Variants in TIAM1 observed in about 807,000 individuals in gnomAD.
TIAM1 encodes the protein rho guanine nucleotide exchange factor TIAM1.
In TIAM1, 65 loss-of-function variants were observed where a neutral mutation model predicts 163.5. The ratio of observed to expected loss-of-function variants is 0.40; its 90% CI spans 0.33 to 0.49. The LOEUF is 0.49. Ranked by LOEUF, TIAM1 falls within the 20% of genes least tolerant of loss-of-function variation. TIAM1 has a pLI of 0.77. For missense variants in TIAM1, 1,789 were observed against 2,044.7 expected, an observed-to-expected ratio of 0.87 and a Z score of 2.41; for synonymous variants, 833 against 810.1, an observed-to-expected ratio of 1.03 and a Z score of -0.48.
intron 1 of TIAM1, among the ~76,000 whole-genome samples, chr21:31,472,283 T>C (rs9984976): frequency 0.2 from 30,380 of 152,038 alleles, 3,162 homozygotes; most frequent in Non-Finnish European, 0.23. Flanking sequence ...TCCCAGCACT[T>C]TGGGAGGCTG....
chr21:31,266,406 G>A lies in TIAM1; in HGVS notation c.567C>T (p.Ser189=), dbSNP rs2072771205. ...DSLEFSLSDL[S]QEHLTSNEEI... is the part of the protein sequence containing the mutation. ...CTTCGTTGCTTGTTAAATGTTCTTG[G>A]CTCAGATCAGAGAGTGAGAATTCCA... The change falls in exon 4 of 28, where the codon AGC becomes AGT. Residue 189 remains serine (S), a synonymous_variant. Transcript: ENST00000541036. 6.2e-7 allele frequency: 1 copy of A among 1,614,082 alleles called. No homozygotes were observed. Among genetic ancestry groups the A allele is most frequent in the South Asian group, 1.1e-5 (1 of 91,090 alleles).
At chr21:31,235,821 C>T (rs183922018) in intron 6 of TIAM1, among the ~76,000 whole-genome samples, 1 of 152,240 alleles carries the variant, frequency 6.6e-6, no homozygotes, top group Non-Finnish European at 1.5e-5. Context: ...ACAATTATAC[C>T]TCTGCAGTGT....
intron 2 of TIAM1, among the ~76,000 whole-genome samples, chr21:31,315,679 C>CAAAA (rs58560437): frequency 5.0e-5 from 4 of 80,244 alleles, no homozygotes; most frequent in African/African-American, 1.3e-4. Context: ...AACTCCATCT[C>CAAAA]AAAAAAAAAA....
At chr21:31,222,701 ATATATATTTTTTTTTTTTT>A (rs1229680360) in intron 8 of TIAM1, among the ~76,000 whole-genome samples, 46 of 46,420 alleles carry the variant, frequency 9.9e-4, no homozygotes, top group African/African-American at 4.0e-3. Context: ...ATATATATAT[ATATATATTTTTTTTTTTTT>A]TTTTTTTTTT....
intron 2 of TIAM1, among the ~76,000 whole-genome samples, chr21:31,330,431 T>G (rs1466113235): frequency 6.6e-6 from 1 of 152,146 alleles, no homozygotes. Context: ...TTGTATTTTT[T>G]GTTTGTTTTT....
Position 31,127,576 on chromosome 21 carries a change from C to T in TIAM1, c.4046-424G>A, listed in dbSNP as rs148624230. On this transcript the variant is annotated intron_variant, in intron 25 of 27. Transcript: ENST00000541036. ...AGGGATTACAGATGTGCACCCCACGCCCGGCTAATTTTTGTATTTTTGGTA... is the reference window on the plus strand; with the variant it reads ...AGGGATTACAGATGTGCACCCCACGTCCGGCTAATTTTTGTATTTTTGGTA... Among the ~76,000 whole-genome samples the T allele has an allele frequency of 2.8e-3, 429 of 152,096 alleles. 3 individuals carry two copies. The highest frequency in any genetic ancestry group is 9.4e-3 in the African/African-American group (392 of 41,484).
chr21:31,558,847 G>C (rs892918084), intron 1 of TIAM1: 2 of 152,070 alleles, frequency 1.3e-5, no homozygotes, highest in African/African-American at 4.8e-5. Context: ...CACGGGCACC[G>C]AGGCTCCGGG....
intron 2 of TIAM1, among the ~76,000 whole-genome samples, chr21:31,444,021 G>A (rs2044528942): frequency 6.6e-6 from 1 of 152,180 alleles, no homozygotes; most frequent in Non-Finnish European, 1.5e-5. Flanking sequence ...TTCATCCTTA[G>A]ACCCTCCTTG....
At chr21:31,421,646 A>T (rs575464584) in intron 2 of TIAM1, among the ~76,000 whole-genome samples, 12 of 152,272 alleles carry the variant, frequency 7.9e-5, no homozygotes, top group Middle Eastern at 3.4e-3. Flanking sequence ...CTTCCATGAA[A>T]CTTGTCCCTG....
chr21:31,316,048 C>A (rs1002197530), intron 2 of TIAM1, among the ~76,000 whole-genome samples: 1 of 151,556 alleles, frequency 6.6e-6, no homozygotes, highest in African/African-American at 2.4e-5. Context: ...AAAATACGGC[C>A]GACTGTCAAT....
Position 31,530,077 on chromosome 21 carries a change from T to C in TIAM1, c.-422+28850A>G, listed in dbSNP as rs77241378. On this transcript the variant is annotated intron_variant, in intron 1 of 28. Coordinates refer to the TIAM1 transcript ENST00000286827. ...ATATGAGGAAACTCAAGGAGGAACT[T>C]AACTCCTTTCTTAGAGCCTGATGTC... 3.3e-3 allele frequency among the ~76,000 whole-genome samples: 509 copies of C among 152,320 alleles called. 2 individuals carry two copies. The highest frequency in any genetic ancestry group is 0.012 in the African/African-American group (491 of 41,572).
intron 2 of TIAM1, among the ~76,000 whole-genome samples, chr21:31,374,847 T>C (rs904401689): frequency 3.9e-5 from 6 of 152,252 alleles, no homozygotes; most frequent in African/African-American, 9.6e-5. Flanking sequence ...ATATTCGTTA[T>C]TCCTCTGGGC....
chr21:31,261,096 G>T (rs544073504), intron 4 of TIAM1, among the ~76,000 whole-genome samples: 1 of 152,078 alleles, frequency 6.6e-6, no homozygotes, highest in African/African-American at 2.4e-5. Flanking sequence ...TGACAATGCT[G>T]CACTCTTTAC....
chr21:31,245,400 A>T (rs2071447951), intron 6 of TIAM1, 88 bp downstream of exon 6: 51 of 545,444 alleles, frequency 9.4e-5, no homozygotes, highest in Non-Finnish European at 1.4e-4. Context: ...AAAAAAAAGC[A>T]GTGGAGGGAG....
At chr21:31,429,264 A>T (rs2043911401) in intron 2 of TIAM1, among the ~76,000 whole-genome samples, 1 of 152,130 alleles carries the variant, frequency 6.6e-6, no homozygotes, top group Non-Finnish European at 1.5e-5. Context: ...GGCCTCCCGA[A>T]GTGTTGGGAT....
At chr21:31,181,285 G>A (rs1022297637) in intron 15 of TIAM1, among the ~76,000 whole-genome samples, 1 of 152,148 alleles carries the variant, frequency 6.6e-6, no homozygotes, top group Non-Finnish European at 1.5e-5. Flanking sequence ...TATAAACCCA[G>A]TCTCAGGAAA....
intron 3 of TIAM1, among the ~76,000 whole-genome samples, chr21:31,270,755 G>T (rs2073020591): frequency 6.6e-6 from 1 of 152,194 alleles, no homozygotes; most frequent in East Asian, 1.9e-4. Context: ...GTTATCGTTA[G>T]TGTTAGTGTA....
intron 2 of TIAM1, among the ~76,000 whole-genome samples, chr21:31,399,774 C>G (rs1306850530): frequency 6.6e-6 from 1 of 152,186 alleles, no homozygotes. Context: ...GAGTGGCCCC[C>G]TGCACAAATA....
intron 11 of TIAM1, among the ~76,000 whole-genome samples, chr21:31,206,746 GTAAA>G (rs1293793814): frequency 6.6e-6 from 1 of 152,084 alleles, no homozygotes; most frequent in Non-Finnish European, 1.5e-5. Flanking sequence ...GATATTTTCA[GTAAA>G]TAGTTTGCAC....
Sources: gnomAD v4.1 joint callset for allele counts (sites outside exome capture counted in the v4.1 genomes callset) on GRCh38, gnomAD v4.1.1 for gene constraint, MANE v1.5 for transcripts, NCBI Gene and HGNC (gene_info 2026-07-23, HGNC 2026-07-21) for gene names.